Variants in MATN4 observed in about 807,000 individuals in gnomAD.
The protein encoded by MATN4 is matrilin-4.
Under a neutral mutation model 54.6 loss-of-function variants are expected in MATN4, and 40 were observed. The observed-to-expected ratio is 0.73, with a 90% CI of 0.57 to 0.95. The LOEUF is 0.95. MATN4 is among the 40% of genes least tolerant of loss of function. The pLI, the probability that MATN4 is intolerant of heterozygous loss-of-function variation, is 0.00. For missense variants in MATN4, 810 were observed against 819.1 expected (o/e 0.99, Z 0.13); for synonymous variants, 351 against 345.3 (o/e 1.02, Z -0.18).
intron 1 of MATN4, chr20:45,306,814 A>G (rs1045869211): frequency 1.1e-6 from 1 of 875,970 alleles, no homozygotes; most frequent in Non-Finnish European, 1.5e-6. Flanking sequence ...TGGACAGGAT[A>G]TAACCCGCGC....
intron 1 of MATN4, among the ~76,000 whole-genome samples, chr20:45,307,293 C>T (rs2145679177): frequency 6.6e-6 from 1 of 152,264 alleles, no homozygotes; most frequent in Non-Finnish European, 1.5e-5. Context: ...TCCGTGAATG[C>T]GCCTATTCTG....
chr20:45,300,806 C>T, intron 6 of MATN4, 81 bp downstream of exon 6: 2 of 1,556,934 alleles, frequency 1.3e-6, no homozygotes, highest in South Asian at 1.2e-5. Context: ...CTAGGGGCCA[C>T]AGCAATGGCA....
At position 45,304,776 on chromosome 20, in the gene MATN4, G is replaced by A. The variant is rs139497051; in HGVS notation, c.95C>T (p.Pro32Leu). ...QLTGPRCHTGPLDLVFVIDSS... is the reference protein window; with the variant it reads ...QLTGPRCHTGLLDLVFVIDSS... Reference sequence around the variant, plus strand: ...GTCAATCACGAACACCAGATCCAGGGGCCCAGTGTGACACCTGGGACCTGC... The same window carrying A: ...GTCAATCACGAACACCAGATCCAGGAGCCCAGTGTGACACCTGGGACCTGC... Residue 32 changes from proline to leucine, a missense_variant, in exon 3 of 10, where the codon CCC (proline) becomes CTC (leucine). Physicochemically the swap from Pro to Leu is moderately conservative, Grantham distance 98. Transcript: ENST00000372756. 5.7e-4 allele frequency: 909 copies of A among 1,587,326 alleles called. 1 individual carries two copies. The African/African-American group carries it at 0.011, about 19-fold the overall frequency.
At position 45,303,092 on chromosome 20, in the gene MATN4, AAAAAAAAAAAAAG is replaced by A. The variant is rs550418381; in HGVS notation, c.643+1123_643+1135del. On this transcript the variant is annotated intron_variant, in intron 3 of 9. Transcript: ENST00000372756. Reference sequence around the variant, plus strand: ...AGCCAGACTCTGTCTCAAAAAAAAAAAAAAAAAAAAAAGAGAGAGAGAAAAGAAAAGAAGAAAA... The same window carrying A: ...AGCCAGACTCTGTCTCAAAAAAAAAAAGAGAGAGAAAAGAAAAGAAGAAAA... Among the ~76,000 whole-genome samples the A allele has an allele frequency of 6.4e-3, 958 of 149,026 alleles. 7 individuals carry two copies. Among genetic ancestry groups the A allele is most frequent in the South Asian group, 0.01 (49 of 4,710 alleles).
Position 45,304,401 on chromosome 20 carries a change from A to C in MATN4, c.470T>G (p.Val157Gly). ...DGRPQDRVAE[V>G]AAQARARGIE... ...GCCGCGGGCGCGCGCCTGTGCCGCCACCTCGGCCACGCGGTCCTGGGGCCG... is the reference window on the plus strand; with the variant it reads ...GCCGCGGGCGCGCGCCTGTGCCGCCCCCTCGGCCACGCGGTCCTGGGGCCG... The change falls in exon 3 of 10, where the codon GTG becomes GGG. Residue 157 changes from valine to glycine, a missense_variant. Physicochemically the swap from Val to Gly is moderately radical, Grantham distance 109. Coordinates refer to ENST00000372756, the MANE Select transcript of MATN4 (RefSeq NM_001393530.1). 6.6e-7 allele frequency: 1 copy of C among 1,504,730 alleles called. No individual in the cohort carries two copies. Among genetic ancestry groups the C allele is most frequent in the Non-Finnish European group, 8.9e-7 (1 of 1,126,850 alleles). The allele number at this position is 1,504,730 out of a possible 1,614,324, so 93.2% of individuals were successfully genotyped here.
Position 45,307,245 on chromosome 20 carries a change from C to T in MATN4, c.-35+930G>A, listed in dbSNP as rs533865178. ...GTTTCTTGGCAGAGAGGGCCAGCTG[C>T]CCCTAACCCAACAGCAGCTCCGCCC... On this transcript the variant is annotated intron_variant, in intron 1 of 9. Transcript: ENST00000372756. Among the ~76,000 whole-genome samples, 184 of 152,254 alleles carry T rather than the reference C, an allele frequency of 1.2e-3. 1 individual carries two copies. Among genetic ancestry groups the T allele is most frequent in the Admixed American group, 6.0e-3 (92 of 15,304 alleles).
Position 45,301,321 on chromosome 20 carries a change from C to T in MATN4, c.766G>A (p.Ala256Thr), listed in dbSNP as rs1986217725. The T allele has an allele frequency of 1.9e-6, 3 of 1,614,126 alleles. No individual in the cohort carries two copies. The East Asian group carries it at 6.7e-5, about 36-fold the overall frequency. Reference sequence around the variant, plus strand: ...GTGGGAGGGTGGGGGTGTTGCTCACCCCTGCAGCTCCTCTGGTCCTGCTGG... The same window carrying T: ...GTGGGAGGGTGGGGGTGTTGCTCACTCCTGCAGCTCCTCTGGTCCTGCTGG... ...VLQQDQRSCR[A>T]IDYCSFGNHS... The change falls in exon 4 of 10, where the codon GCC becomes ACC. Residue 256 changes from alanine (A) to threonine (T), a missense_variant and splice_region_variant. Physicochemically the swap from Ala to Thr is moderately conservative, Grantham distance 58 (BLOSUM62 0). Coordinates refer to ENST00000372756, the MANE Select transcript of MATN4 (RefSeq NM_001393530.1).
rs1986923560 is a variant in MATN4 at position 45,308,280 on chromosome 20, G to A, written c.-140C>T. 1 of 1,465,176 alleles carries A rather than the reference G, an allele frequency of 6.8e-7. No individual in the cohort carries two copies. The highest frequency in any genetic ancestry group is 9.6e-7 in the Non-Finnish European group (1 of 1,045,172). The allele number at this position is 1,465,176 out of a possible 1,614,324, so 90.8% of individuals were successfully genotyped here. A position where few individuals can be genotyped will look rare whatever the true frequency, so the allele number is the denominator to read the frequency against. On this transcript the variant is annotated 5_prime_UTR_variant, in exon 1 of 10. Transcript: ENST00000372756. ...ACGGCGGCGTGGCAGCGTGCCCTAG[G>A]TGGGGACTGCCAGGCAGCTGGAGCA...
chr20:45,306,384 A>G (rs550043428), intron 1 of MATN4, among the ~76,000 whole-genome samples: 121 of 152,278 alleles, frequency 7.9e-4, no homozygotes, highest in African/African-American at 2.7e-3. Flanking sequence ...AGTTTCTGTG[A>G]GCCAGCCTGG....
rs1050722306 is a variant in MATN4, at chr20:45,305,802, A to ATTTTTTTTTTTTTTTTTTTTT, written c.-34-187_-34-186insAAAAAAAAAAAAAAAAAAAAA. On this transcript the variant is annotated intron_variant, in intron 1 of 9. Coordinates refer to ENST00000372756, the MANE Select transcript of MATN4 (RefSeq NM_001393530.1). ...GTGGGATTGCTGGGAAACACAAGAG[A>ATTTTTTTTTTTTTTTTTTTTT]TTCTTTTTTTTTTTTTTTTTAGATA... is the stretch of plus-strand genomic sequence containing the variant. Among the ~76,000 whole-genome samples, 7 of 12,174 alleles carry ATTTTTTTTTTTTTTTTTTTTT rather than the reference A, an allele frequency of 5.7e-4. No individual in the cohort carries two copies. The East Asian group carries it at 0.014, about 24-fold the overall frequency. The allele number at this position is 12,174 out of a possible 152,430, so 8.0% of individuals were successfully genotyped here.
chr20:45,306,426 C>T (rs1346410632), intron 1 of MATN4, among the ~76,000 whole-genome samples: 1 of 152,168 alleles, frequency 6.6e-6, no homozygotes, highest in African/African-American at 2.4e-5. Context: ...GCCAGGCGAA[C>T]CTCTGCAGAC....
At chr20:45,301,874 A>G (rs1385375326) in intron 3 of MATN4, among the ~76,000 whole-genome samples, 4 of 152,184 alleles carry the variant, frequency 2.6e-5, no homozygotes, top group Non-Finnish European at 5.9e-5. Context: ...AAAAAAAAAA[A>G]AAAGAACAAG....
At position 45,298,263 on chromosome 20, in the gene MATN4, G is replaced by A. The variant is rs375411740; in HGVS notation, c.1333C>T (p.Arg445Cys). ...SFSEAQGARP[R>C]ALNVPRVGLV... ...CCAACACGAGGCACGTTAAGGGCAC[G>A]GGGCCGTGCACCCTGCGCCTCGGAG... The change falls in exon 7 of 10, where the codon CGT becomes TGT. Residue 445 changes from arginine to cysteine, a missense_variant. Coordinates refer to ENST00000372756, the MANE Select transcript of MATN4 (RefSeq NM_001393530.1). This position sits in a 1 kb window ranked among gnomAD's most constrained non-coding sequence, Gnocchi z 4.6. The A allele has an allele frequency of 3.7e-6, 6 of 1,613,060 alleles. No individual in the cohort carries two copies. In the South Asian group the frequency reaches 4.4e-5, roughly 12 times the overall value.
Position 45,301,382 on chromosome 20 carries a change from G to A in MATN4, c.705C>T (p.Gly235=), listed in dbSNP as rs754455891. 3 of 1,614,050 alleles carry A rather than the reference G, an allele frequency of 1.9e-6. No individual in the cohort carries two copies. Among genetic ancestry groups the A allele is most frequent in the South Asian group, 1.1e-5 (1 of 91,094 alleles). ...GCEHHCVNSP[G]SYFCHCQVGF... ...CAACTTGGCAGTGACAGAAATAGGAGCCTGGGGAATTGACGCAGTGGTGCT... is the reference window on the plus strand; with the variant it reads ...CAACTTGGCAGTGACAGAAATAGGAACCTGGGGAATTGACGCAGTGGTGCT... Residue 235 remains glycine (G), a synonymous_variant, in exon 4 of 10, where the codon GGC becomes GGT. Transcript: ENST00000372756.
At chr20:45,294,707 C>A (rs1445313239) in intron 8 of MATN4, among the ~76,000 whole-genome samples, 2 of 152,158 alleles carry the variant, frequency 1.3e-5, no homozygotes, top group East Asian at 3.8e-4. Context: ...GTCCCCAATC[C>A]CCAGGCCATG....
intron 1 of MATN4, among the ~76,000 whole-genome samples, chr20:45,307,141 A>G (rs949771159): frequency 1.3e-5 from 2 of 151,950 alleles, no homozygotes; most frequent in African/African-American, 4.8e-5. Flanking sequence ...CCTAGAATTC[A>G]CTAAACCTCA....
At chr20:45,295,924 A>G (rs1217473407) in intron 8 of MATN4, among the ~76,000 whole-genome samples, 2 of 152,088 alleles carry the variant, frequency 1.3e-5, no homozygotes, top group East Asian at 3.9e-4. Context: ...CATTGTTAAG[A>G]TTACAGGGAG....
rs938708806 is a variant in MATN4 at position 45,305,631 on chromosome 20, G to T, written c.-34-15C>A. On this transcript the variant is annotated splice_polypyrimidine_tract_variant and intron_variant, in intron 1 of 9. Coordinates refer to ENST00000372756, the MANE Select transcript of MATN4 (RefSeq NM_001393530.1). The stretch of plus-strand genomic sequence containing the variant: ...GGTGTCAGAGCCTGGAGGGAGGAAG[G>T]AAAATAGAAAAGCAACAGTATTTAC... 2.5e-5 allele frequency: 34 copies of T among 1,352,012 alleles called. No homozygotes were observed. The African/African-American group carries it at 4.1e-4, about 16-fold the overall frequency. The allele number at this position is 1,352,012 out of a possible 1,614,324, so 83.8% of individuals were successfully genotyped here. A position where few individuals can be genotyped will look rare whatever the true frequency, so the allele number is the denominator to read the frequency against.
intron 3 of MATN4, among the ~76,000 whole-genome samples, chr20:45,302,329 G>T (rs1986284362): frequency 6.6e-6 from 1 of 152,152 alleles, no homozygotes; most frequent in South Asian, 2.1e-4. Flanking sequence ...TGACATCTGG[G>T]TTATTGGGAT....
Sources: allele counts gnomAD v4.1 joint callset (sites outside exome capture counted in the v4.1 genomes callset), GRCh38; gene constraint gnomAD v4.1.1; non-coding constraint Gnocchi (gnomAD v3.1); transcripts MANE v1.5; gene names NCBI Gene and HGNC (gene_info 2026-07-23, HGNC 2026-07-21).